The following MRPS23 variants were observed in gnomAD, a reference collection of about 807,000 sequenced individuals.
The protein encoded by MRPS23 is mitochondrial ribosomal protein S23.
MRPS23 carries 14 observed loss-of-function variants against 19.8 expected under a neutral mutation model. The observed-to-expected ratio is 0.71, with a 90% confidence interval of 0.47 to 1.11. MRPS23 has a LOEUF of 1.11. Ranked by LOEUF, MRPS23 falls within the 50% of genes least tolerant of loss-of-function variation. The pLI, the probability that MRPS23 is intolerant of heterozygous loss-of-function variation, is 0.00. For synonymous variants in MRPS23, 113 were observed against 89.7 expected, an observed-to-expected ratio of 1.26 and a Z score of -1.47; for missense variants, 242 against 236.7, an observed-to-expected ratio of 1.02 and a Z score of -0.15.
chr17:57,849,042 G>T, intron 2 of MRPS23, 198 bp downstream of exon 2: 2 of 633,940 alleles, frequency 3.2e-6, no homozygotes, highest in South Asian at 4.4e-5. Flanking sequence ...TCTTTCGGTT[G>T]CTGGGCTCCA....
intron 4 of MRPS23, chr17:57,840,677 T>C (rs1303244884): frequency 2.2e-5 from 8 of 359,880 alleles, no homozygotes; most frequent in Non-Finnish European, 3.4e-5. Context: ...ATAAAAAATA[T>C]AAATTTTTAA....
At chr17:57,841,123 A>C in intron 3 of MRPS23, 60 bp downstream of exon 3, 2 of 1,609,360 alleles carry the variant, frequency 1.2e-6, no homozygotes, top group Non-Finnish European at 1.7e-6. Context: ...ACAATATCAA[A>C]TGGATAACAA....
At position 57,841,004 on chromosome 17, in the gene MRPS23, T is replaced by C. The variant is rs113805416; in HGVS notation, c.342A>G (p.Glu114=). Residue 114 remains glutamate (E), a synonymous_variant, in exon 4 of 5, where the codon GAA becomes GAG. Coordinates refer to ENST00000313608, the MANE Select transcript of MRPS23 (RefSeq NM_016070.4). The part of the protein sequence containing the change: ...TELQKLGETD[E]EKLFVETGKA... ...TCCCTGTTTCCACAAATAACTTCTC[T>C]TCATCTGTTTCTCCAAGTTTCTGTA... 6.2e-7 allele frequency: 1 copy of C among 1,614,216 alleles called. No individual in the cohort carries two copies. The highest frequency in any genetic ancestry group is 1.1e-5 in the South Asian group (1 of 91,080).
intron 2 of MRPS23, among the ~76,000 whole-genome samples, chr17:57,845,554 T>C (rs2073767176): frequency 6.6e-6 from 1 of 152,184 alleles, no homozygotes; most frequent in African/African-American, 2.4e-5. Context: ...ACATCAGTAT[T>C]CAAGGGGAGG....
intron 2 of MRPS23, 34 bp from the exon 3 acceptor site, chr17:57,841,294 G>C (rs561433782): frequency 5.4e-5 from 85 of 1,579,824 alleles, no homozygotes; most frequent in Non-Finnish European, 7.2e-5. Flanking sequence ...ATAAATCTCC[G>C]ATTATAGACT....
chr17:57,839,738 CAGTGAGTAGAGTGTGAA>C lies in MRPS23; in HGVS notation c.*28_*44del. 3 of 1,544,678 alleles carry C rather than the reference CAGTGAGTAGAGTGTGAA, an allele frequency of 1.9e-6. No individual in the cohort carries two copies. Among genetic ancestry groups the C allele is most frequent in the Non-Finnish European group, 2.7e-6 (3 of 1,126,602 alleles). On this transcript the variant is annotated 3_prime_UTR_variant, in exon 5 of 5. Transcript: ENST00000313608. ...GTTTAAAAATAGCTCAACATTCAGC[CAGTGAGTAGAGTGTGAA>C]TGCCAGCATACACAGTATACAGGTC... is the stretch of plus-strand genomic sequence containing the variant.
intron 4 of MRPS23, among the ~76,000 whole-genome samples, chr17:57,840,526 C>G (rs961646226): frequency 3.9e-5 from 6 of 152,044 alleles, no homozygotes; most frequent in African/African-American, 1.4e-4. Context: ...GAACATAAGC[C>G]AAGGTTAGGG....
At chr17:57,844,285 A>G (rs1048446487) in intron 2 of MRPS23, among the ~76,000 whole-genome samples, 5 of 151,602 alleles carry the variant, frequency 3.3e-5, no homozygotes, top group African/African-American at 9.7e-5. Flanking sequence ...AACTACAGGC[A>G]TGCACAACCA....
chr17:57,847,270 G>A (rs1857424777), intron 2 of MRPS23, among the ~76,000 whole-genome samples: 1 of 150,666 alleles, frequency 6.6e-6, no homozygotes, highest in South Asian at 2.1e-4. Flanking sequence ...TCCAGCCTGG[G>A]TGGCAGAGCG....
chr17:57,849,689 C>T, intron 1 of MRPS23: 2 of 595,458 alleles, frequency 3.4e-6, no homozygotes, highest in Non-Finnish European at 5.9e-6. Flanking sequence ...ATAAGGAAGG[C>T]CCATCAGGCT....
intron 4 of MRPS23, among the ~76,000 whole-genome samples, chr17:57,840,266 G>T (rs1215258551): frequency 6.6e-6 from 1 of 151,896 alleles, no homozygotes; most frequent in Non-Finnish European, 1.5e-5. Context: ...AGGCGCCTGT[G>T]GTCCCAGCTA....
At position 57,835,229 on chromosome 17, in the gene MRPS23, C is replaced by CCTT. The variant is rs2073697434; in HGVS notation, c.*4553_*4554insAAG. 6.6e-6 allele frequency: 1 copy of CCTT among 152,234 alleles called. No individual in the cohort carries two copies. Among genetic ancestry groups the CCTT allele is most frequent in the Non-Finnish European group, 1.5e-5 (1 of 68,070 alleles). 9.4% of individuals were successfully genotyped at this position (152,234 alleles called of 1,614,324 possible). ...ACACCTATCCCTTATCTCTGTCTGC[C>CCTT]ACTTAGATATAGCACCATCACCTTC... On this transcript the variant is annotated 3_prime_UTR_variant, in exon 5 of 5. Transcript: ENST00000313608.
At chr17:57,841,128 T>C in intron 3 of MRPS23, 55 bp downstream of exon 3, 1 of 1,609,462 alleles carries the variant, frequency 6.2e-7, no homozygotes, top group Non-Finnish European at 8.5e-7. Flanking sequence ...ATCAAATGGA[T>C]AACAAAATCC....
At chr17:57,849,775 TTCAAGGAGAGGCATCC>T in intron 1 of MRPS23, 176 bp downstream of exon 1, 1 of 682,900 alleles carries the variant, frequency 1.5e-6, no homozygotes. Flanking sequence ...GACACATAAA[TTCAAGGAGAGGCATCC>T]TCAGGCACAA....
In MRPS23 at chr17:57,841,183, C is replaced by T. The variant is rs771905229; in HGVS notation, c.293G>A (p.Arg98Gln). 2 of 1,613,926 alleles carry T rather than the reference C, an allele frequency of 1.2e-6. No homozygotes were observed. The highest frequency in any genetic ancestry group is 1.3e-5 in the African/African-American group (1 of 74,890). Residue 98 changes from arginine to glutamine, a missense_variant and splice_region_variant, in exon 3 of 5, where the codon CGG (arginine) becomes CAG (glutamine). Physicochemically the swap from Arg to Gln is conservative, Grantham distance 43 (BLOSUM62 1). Coordinates refer to ENST00000313608, the MANE Select transcript of MRPS23 (RefSeq NM_016070.4). ...FNPNFKSTCQ[R>Q]FVEKYTELQK... ...GCCTAGGACTTATAAAATGGCTTAC[C>T]GTTGACAGGTAGACTTGAAGTTTGG...
At position 57,838,289 on chromosome 17, in the gene MRPS23, C is replaced by CCAAAAAAA. The variant is rs2073718728; in HGVS notation, c.*1493_*1494insTTTTTTTG. ...TGGGAAACAAAGTGATACTCCATCG[C>CCAAAAAAA]AAAAAAAAAAAAAAAAAAAAAAAAA... On this transcript the variant is annotated 3_prime_UTR_variant, in exon 5 of 5. Coordinates refer to ENST00000313608, the MANE Select transcript of MRPS23 (RefSeq NM_016070.4). 2 of 29,406 alleles carry CCAAAAAAA rather than the reference C, an allele frequency of 6.8e-5. No homozygotes were observed. The highest frequency in any genetic ancestry group is 2.0e-4 in the African/African-American group (2 of 10,130). The allele number at this position is 29,406 out of a possible 1,614,324, so 1.8% of individuals were successfully genotyped here.
At chr17:57,849,678 G>T (rs2073799418) in intron 1 of MRPS23, among the ~76,000 whole-genome samples, 1 of 152,202 alleles carries the variant, frequency 6.6e-6, no homozygotes, top group Admixed American at 6.5e-5. Context: ...TGCATGACCT[G>T]ATAAGGAAGG....
At chr17:57,849,942 G>A in intron 1 of MRPS23, 25 bp downstream of exon 1, 4 of 1,580,454 alleles carry the variant, frequency 2.5e-6, no homozygotes, top group South Asian at 1.1e-5. Flanking sequence ...GGCACCCTCA[G>A]CCCACCACGG....
intron 1 of MRPS23, 181 bp downstream of exon 1, chr17:57,849,786 G>A (rs1355036118): frequency 5.7e-6 from 4 of 703,672 alleles, no homozygotes; most frequent in African/African-American, 1.8e-5. Flanking sequence ...TCAAGGAGAG[G>A]CATCCTCAGG....
Sources: allele counts gnomAD v4.1 joint callset (sites outside exome capture counted in the v4.1 genomes callset), GRCh38; gene constraint gnomAD v4.1.1; transcripts MANE v1.5; gene names NCBI Gene and HGNC (gene_info 2026-07-23, HGNC 2026-07-21).